Variants in BPTF observed in about 807,000 individuals in gnomAD.
BPTF encodes nucleosome-remodeling factor subunit BPTF.
BPTF carries 18 observed loss-of-function variants against 292.5 expected under a neutral mutation model. That is an observed-to-expected ratio of 0.06 (90% confidence interval 0.04 to 0.09). BPTF has a LOEUF of 0.09. Ranked by LOEUF, BPTF falls within the 10% of genes least tolerant of loss-of-function variation. The pLI is 1.00. For synonymous variants in BPTF, 1,225 were observed against 1,251.9 expected (o/e 0.98, Z 0.45); for missense variants, 2,726 against 3,498.7 (o/e 0.78, Z 5.57).
At chr17:67,949,558 G>C (rs1277204532) in intron 23 of BPTF, among the ~76,000 whole-genome samples, 2 of 151,028 alleles carry the variant, frequency 1.3e-5, no homozygotes, top group Non-Finnish European at 2.9e-5. Flanking sequence ...CTGGACAACA[G>C]AGTGAGACTC....
At chr17:67,851,025 G>T (rs1387484216) in intron 1 of BPTF, among the ~76,000 whole-genome samples, 2 of 152,162 alleles carry the variant, frequency 1.3e-5, no homozygotes, top group Non-Finnish European at 2.9e-5. Flanking sequence ...GAAGGGAAAA[G>T]AGGTATATAT....
chr17:67,860,001 G>C (rs1011186910), intron 2 of BPTF, among the ~76,000 whole-genome samples: 1 of 152,146 alleles, frequency 6.6e-6, no homozygotes, highest in African/African-American at 2.4e-5. Flanking sequence ...TAGTGGAACA[G>C]TAAAATACTT....
chr17:67,826,991 T>A (rs1285971850), intron 1 of BPTF, among the ~76,000 whole-genome samples: 1 of 152,226 alleles, frequency 6.6e-6, no homozygotes, highest in African/African-American at 2.4e-5. Flanking sequence ...ACAGTTGCTG[T>A]TAAATGGCTG....
intron 15 of BPTF, among the ~76,000 whole-genome samples, chr17:67,925,051 G>GTTTTTT (rs59056539): frequency 7.9e-6 from 1 of 126,136 alleles, no homozygotes. Flanking sequence ...ACCCATCCAG[G>GTTTTTT]TTTTTTTTTT....
In BPTF at chr17:67,948,210, G is replaced by A. The variant is rs1555676542; in HGVS notation, c.7830G>A (p.Lys2610=). The part of the protein sequence containing the change: ...EQKRSKQNAT[K]LSALLFKHKE... Reference sequence around the variant, plus strand: ...AACGTAGCAAGCAGAATGCCACTAAGCTGTCAGCTCTGCTCTTCAAGCACA... The same window carrying A: ...AACGTAGCAAGCAGAATGCCACTAAACTGTCAGCTCTGCTCTTCAAGCACA... Residue 2610 remains lysine (K), a synonymous_variant, in exon 23 of 28, where the codon AAG becomes AAA. Transcript: ENST00000306378. 3 of 1,614,162 alleles carry A rather than the reference G, an allele frequency of 1.9e-6. No individual in the cohort carries two copies. The highest frequency in any genetic ancestry group is 2.5e-6 in the Non-Finnish European group (3 of 1,180,032).
chr17:67,971,898 A>G (rs1321993556), intron 26 of BPTF, among the ~76,000 whole-genome samples: 1 of 151,822 alleles, frequency 6.6e-6, no homozygotes, highest in South Asian at 2.1e-4. Context: ...CTAATAGTGT[A>G]TATCTATGGC....
intron 7 of BPTF, among the ~76,000 whole-genome samples, chr17:67,896,002 C>T (rs148669778): frequency 6.8e-6 from 1 of 147,118 alleles, no homozygotes; most frequent in East Asian, 2.0e-4. Context: ...CTCGCTCTGT[C>T]ACCCAGGCTG....
intron 23 of BPTF, among the ~76,000 whole-genome samples, chr17:67,952,062 A>AAG (rs1449039402): frequency 6.6e-6 from 1 of 151,116 alleles, no homozygotes; most frequent in Non-Finnish European, 1.5e-5. Flanking sequence ...CTCAAAAAAA[A>AAG]AAAAAAAAAA....
Position 67,912,650 on chromosome 17 carries a change from C to T in BPTF, c.4766C>T (p.Thr1589Ile), listed in dbSNP as rs1598609745. Residue 1589 changes from threonine (T) to isoleucine (I), a missense_variant, in exon 11 of 28, where the codon ACC becomes ATC. Transcript: ENST00000306378. The stretch of plus-strand genomic sequence containing the variant: ...AGAAAAACCGTCATCACAGAAGTCA[C>T]CACGATGACCTCCACAGTGGCCACA... ...SKRKTVITEV[T>I]TMTSTVATES... The T allele has an allele frequency of 1.2e-6, 2 of 1,613,956 alleles. No individual in the cohort carries two copies. The highest frequency in any genetic ancestry group is 1.1e-5 in the South Asian group (1 of 91,082).
intron 1 of BPTF, among the ~76,000 whole-genome samples, chr17:67,826,866 C>G (rs964497560): frequency 2.0e-5 from 3 of 152,036 alleles, no homozygotes; most frequent in African/African-American, 7.3e-5. Context: ...GTTTTCACAC[C>G]CCTAGCTGTG....
intron 4 of BPTF, among the ~76,000 whole-genome samples, chr17:67,878,682 G>C (rs1375921807): frequency 1.3e-5 from 1 of 74,684 alleles, no homozygotes; most frequent in Non-Finnish European, 2.5e-5. Context: ...TTATGTGTTC[G>C]TGTGTGTGTG....
At chr17:67,959,463 T>C (rs2067257801) in intron 23 of BPTF, 78 bp from the exon 24 acceptor site, 16 of 1,146,238 alleles carry the variant, frequency 1.4e-5, no homozygotes, top group Admixed American at 5.4e-5. Context: ...CAAGAGTGGG[T>C]AGTGTACCAT....
intron 2 of BPTF, among the ~76,000 whole-genome samples, chr17:67,864,527 C>CA (rs60272759): frequency 0.023 from 1,851 of 80,040 alleles, 19 homozygotes; most frequent in African/African-American, 0.029. Flanking sequence ...GACTCCATCA[C>CA]AAAAAAAAAA....
At chr17:67,924,031 C>T (rs1323655623) in intron 14 of BPTF, among the ~76,000 whole-genome samples, 1 of 151,736 alleles carries the variant, frequency 6.6e-6, no homozygotes, top group Non-Finnish European at 1.5e-5. Flanking sequence ...CGGAGTCTCG[C>T]TCTGTCATCC....
At chr17:67,932,136 A>T (rs547970405) in intron 18 of BPTF, 117 bp downstream of exon 18, 1 of 827,810 alleles carries the variant, frequency 1.2e-6, no homozygotes, top group African/African-American at 1.8e-5. Context: ...ACTTCAAAGC[A>T]TACTAAATTT....
Position 67,911,452 on chromosome 17 carries a change from G to A in BPTF, c.3568G>A (p.Glu1190Lys), listed in dbSNP as rs146298889. Residue 1190 changes from glutamate to lysine, a missense_variant, in exon 11 of 28, where the codon GAA becomes AAA. This residue lies in a region of BPTF where 713 missense variants were observed against 714.9 expected (regional missense o/e 1.00). Coordinates refer to ENST00000306378, the MANE Select transcript of BPTF (RefSeq NM_182641.4). ...PKQNSIENDIEEKVSDLASRG... is the reference protein window; with the variant it reads ...PKQNSIENDIKEKVSDLASRG... ...ACAAAATTCCATTGAAAATGACATA[G>A]AAGAAAAAGTCTCTGACCTTGCCAG... The A allele has an allele frequency of 5.6e-6, 9 of 1,613,942 alleles. No homozygotes were observed. The African/African-American group carries it at 1.1e-4, about 19-fold the overall frequency.
intron 1 of BPTF, among the ~76,000 whole-genome samples, chr17:67,840,370 G>T (rs1422362857): frequency 6.6e-6 from 1 of 152,032 alleles, no homozygotes; most frequent in East Asian, 1.9e-4. Context: ...GCCTCTCAAG[G>T]TGCTGAGATT....
At chr17:67,963,161 A>C (rs1398083969) in intron 24 of BPTF, among the ~76,000 whole-genome samples, 3 of 152,178 alleles carry the variant, frequency 2.0e-5, no homozygotes, top group Non-Finnish European at 4.4e-5. Context: ...GTGATAGAGC[A>C]TCAGATACTG....
intron 2 of BPTF, among the ~76,000 whole-genome samples, chr17:67,862,813 CTTT>C (rs11325305): frequency 6.2e-5 from 8 of 129,756 alleles, no homozygotes; most frequent in East Asian, 2.2e-4. Flanking sequence ...AAAATCCTTG[CTTT>C]TTTTTTTTTT....
Sources: gnomAD v4.1 joint callset for allele counts (sites outside exome capture counted in the v4.1 genomes callset) on GRCh38, gnomAD v4.1.1 for gene constraint, gnomAD v4.1.1 regional missense constraint, MANE v1.5 for transcripts, NCBI Gene and HGNC (gene_info 2026-07-23, HGNC 2026-07-21) for gene names.